The following MRTFB variants were observed in gnomAD, a reference collection of about 807,000 sequenced individuals.
The protein encoded by MRTFB is myocardin related transcription factor B.
MRTFB carries 29 observed loss-of-function variants against 104.2 expected under a neutral mutation model. The observed-to-expected ratio is 0.28, with a 90% CI of 0.21 to 0.38. The LOEUF (loss-of-function observed/expected upper bound fraction) is 0.38, where lower values mean the gene tolerates loss of function less well. Ranked by LOEUF, MRTFB falls within the 10% of genes least tolerant of loss-of-function variation. MRTFB has a pLI of 1.00. For missense variants in MRTFB, 1,270 were observed against 1,341.6 expected, an observed-to-expected ratio of 0.95 and a Z score of 0.83; for synonymous variants, 535 against 519.5, an observed-to-expected ratio of 1.03 and a Z score of -0.41.
intron 3 of MRTFB, among the ~76,000 whole-genome samples, chr16:14,147,712 A>G (rs7191312): frequency 0.052 from 7,872 of 152,242 alleles, 675 homozygotes; most frequent in African/African-American, 0.18. Flanking sequence ...TTAGTTATCA[A>G]TGAGGGGGTG....
intron 2 of MRTFB, among the ~76,000 whole-genome samples, chr16:14,118,899 T>C (rs2142260590): frequency 6.6e-6 from 1 of 152,110 alleles, no homozygotes; most frequent in South Asian, 2.1e-4. Context: ...CGTGTGAGAT[T>C]TAGCCATGTA....
At chr16:14,092,055 A>C (rs1344440006) in intron 2 of MRTFB, among the ~76,000 whole-genome samples, 1 of 150,982 alleles carries the variant, frequency 6.6e-6, no homozygotes, top group Non-Finnish European at 1.5e-5. Context: ...TTGGTAACCT[A>C]TGATGGCACC....
At chr16:14,160,879 C>T (rs1449079400) in intron 3 of MRTFB, among the ~76,000 whole-genome samples, 3 of 151,926 alleles carry the variant, frequency 2.0e-5, no homozygotes, top group Non-Finnish European at 1.5e-5. Flanking sequence ...TTTTTTAGTA[C>T]TTTCCTACCT....
the MRTFB span, among the ~76,000 whole-genome samples, chr16:14,023,275 AAAAAAT>A: frequency 1.4e-4 from 22 of 151,940 alleles, no homozygotes; most frequent in Admixed American, 4.6e-4. Context: ...CTATCTCTAC[AAAAAAT>A]AAAAATAAAA....
the MRTFB span, among the ~76,000 whole-genome samples, chr16:14,008,727 T>C: frequency 5.0e-3 from 756 of 152,302 alleles, 5 homozygotes; most frequent in African/African-American, 0.017. Context: ...AGTTAGCTGG[T>C]ATTTTGAAAG....
chr16:14,095,916 T>C (rs574046416), intron 2 of MRTFB, among the ~76,000 whole-genome samples: 116 of 152,298 alleles, frequency 7.6e-4, no homozygotes, highest in African/African-American at 2.7e-3. Context: ...TAGTGTCTAA[T>C]GTAGATATAA....
chr16:14,184,516 AT>A (rs1431627158), intron 3 of MRTFB, among the ~76,000 whole-genome samples: 1 of 151,882 alleles, frequency 6.6e-6, no homozygotes, highest in Non-Finnish European at 1.5e-5. Flanking sequence ...CCCACCACTG[AT>A]TTTTTTAAGC....
intron 3 of MRTFB, among the ~76,000 whole-genome samples, chr16:14,194,467 C>G (rs1272738783): frequency 6.6e-6 from 1 of 152,170 alleles, no homozygotes; most frequent in Non-Finnish European, 1.5e-5. Flanking sequence ...GGCCCTTTTT[C>G]CAAATGCAGT....
the MRTFB span, among the ~76,000 whole-genome samples, chr16:14,017,639 A>G: frequency 1.4e-3 from 45 of 31,696 alleles, 3 homozygotes; most frequent in South Asian, 3.2e-3. Context: ...ATATATATAT[A>G]TGTATATATG....
rs565787899 is a variant in MRTFB, at chr16:14,202,340, C to G, written c.155-7903C>G. On this transcript the variant is annotated intron_variant, in intron 3 of 16. Transcript: ENST00000571589. ...GTAGAATGGATTAACTTTCACTTTTCTTTTTAAAATCTCTTTTTATGTGCA... is the reference window on the plus strand; with the variant it reads ...GTAGAATGGATTAACTTTCACTTTTGTTTTTAAAATCTCTTTTTATGTGCA... Among the ~76,000 whole-genome samples, 9 of 152,112 alleles carry G rather than the reference C, an allele frequency of 5.9e-5. No homozygotes were observed. In the South Asian group the frequency reaches 6.2e-4, roughly 11 times the overall value.
chr16:14,126,765 C>T (rs906560081), intron 2 of MRTFB, among the ~76,000 whole-genome samples: 1 of 152,088 alleles, frequency 6.6e-6, no homozygotes, highest in African/African-American at 2.4e-5. Context: ...ACTTGCCCAC[C>T]AGCTAAAAAA....
At chr16:14,058,067 G>A in the MRTFB span, among the ~76,000 whole-genome samples, 1 of 152,124 alleles carries the variant, frequency 6.6e-6, no homozygotes, top group East Asian at 1.9e-4. Flanking sequence ...CCTACGGAGA[G>A]CCCGTATTTT....
chr16:14,244,115 T>C (rs1040219594), intron 10 of MRTFB, among the ~76,000 whole-genome samples: 9 of 152,192 alleles, frequency 5.9e-5, no homozygotes, highest in African/African-American at 2.2e-4. Context: ...CCTGACCTCA[T>C]GATCTGCCCG....
chr16:14,131,861 A>T (rs1232883098), intron 2 of MRTFB, among the ~76,000 whole-genome samples: 1 of 152,148 alleles, frequency 6.6e-6, no homozygotes, highest in Non-Finnish European at 1.5e-5. Flanking sequence ...CACTGTGGAC[A>T]GCAGTTGGGC....
intron 16 of MRTFB, 97 bp downstream of exon 16, chr16:14,258,258 CT>C: frequency 1.1e-6 from 1 of 890,984 alleles, no homozygotes; most frequent in South Asian, 1.5e-5. Context: ...TCTTTAGATA[CT>C]GAGAAACGTG....
intron 9 of MRTFB, among the ~76,000 whole-genome samples, chr16:14,234,529 T>TA (rs2042410710): frequency 6.6e-6 from 1 of 152,174 alleles, no homozygotes; most frequent in East Asian, 1.9e-4. Flanking sequence ...TGCAGTGGCT[T>TA]ACCTCTGTAA....
chr16:14,155,647 C>A (rs1389556684), intron 3 of MRTFB, among the ~76,000 whole-genome samples: 1 of 152,132 alleles, frequency 6.6e-6, no homozygotes, highest in South Asian at 2.1e-4. Flanking sequence ...TAGGAAAGAT[C>A]TAGGGTAGCA....
At chr16:14,058,712 G>GTTTTTTTT in the MRTFB span, among the ~76,000 whole-genome samples, 67 of 86,842 alleles carry the variant, frequency 7.7e-4, 2 homozygotes, top group Non-Finnish European at 1.1e-3. Context: ...ATTTGTATTT[G>GTTTTTTTT]TTTTTTTTTT....
chr16:13,999,074 C>G, the MRTFB span, among the ~76,000 whole-genome samples: 4 of 150,958 alleles, frequency 2.6e-5, no homozygotes, highest in Non-Finnish European at 5.9e-5. Context: ...CCTGTAGTCC[C>G]AGCTACTCGG....
Sources: gnomAD v4.1 joint callset for allele counts (sites outside exome capture counted in the v4.1 genomes callset) on GRCh38, gnomAD v4.1.1 for gene constraint, MANE v1.5 for transcripts, NCBI Gene and HGNC (gene_info 2026-07-23, HGNC 2026-07-21) for gene names.